Variants in AP1S3 observed in about 807,000 individuals in gnomAD.
AP1S3 encodes adaptor related protein complex 1 subunit sigma 3.
AP1S3 carries 10 observed loss-of-function variants against 20.9 expected under a neutral mutation model. That is an observed-to-expected ratio of 0.48 (90% CI 0.29 to 0.81). The LOEUF (loss-of-function observed/expected upper bound fraction) is 0.81. Ranked by LOEUF, AP1S3 falls within the 30% of genes least tolerant of loss-of-function variation. AP1S3 has a pLI of 0.08. For synonymous variants in AP1S3, 41 were observed against 61.5 expected (o/e 0.67, Z 1.56); for missense variants, 154 against 183.8 (o/e 0.84, Z 0.94).
chr2:223,823,461 T>A (rs1692041955), intron 1 of AP1S3, among the ~76,000 whole-genome samples: 1 of 152,158 alleles, frequency 6.6e-6, no homozygotes. Flanking sequence ...CTGAAAGACA[T>A]TATATTAAGT....
chr2:223,830,927 T>C (rs149139174), intron 1 of AP1S3, among the ~76,000 whole-genome samples: 1 of 152,240 alleles, frequency 6.6e-6, no homozygotes, highest in South Asian at 2.1e-4. Flanking sequence ...TGATTGTCGA[T>C]AACATTCTAT....
intron 1 of AP1S3, among the ~76,000 whole-genome samples, chr2:223,831,430 G>A (rs772938481): frequency 5.9e-5 from 9 of 152,136 alleles, no homozygotes; most frequent in East Asian, 1.9e-4. Context: ...CACCGTGCCC[G>A]GTCAAGAAAT....
intron 1 of AP1S3, among the ~76,000 whole-genome samples, chr2:223,790,526 G>A (rs539132295): frequency 1.2e-4 from 18 of 152,124 alleles, no homozygotes; most frequent in South Asian, 4.2e-4. Context: ...GAGCCACTGC[G>A]CCCAGTAATC....
intron 1 of AP1S3, among the ~76,000 whole-genome samples, chr2:223,808,697 T>C (rs1352853274): frequency 6.6e-6 from 1 of 152,234 alleles, no homozygotes; most frequent in Non-Finnish European, 1.5e-5. Context: ...CTCAATACTT[T>C]GTTTTTCAAT....
At chr2:223,781,500 C>G (rs1302418074) in intron 1 of AP1S3, among the ~76,000 whole-genome samples, 1 of 151,914 alleles carries the variant, frequency 6.6e-6, no homozygotes, top group Non-Finnish European at 1.5e-5. Context: ...CTTTGGAAGG[C>G]TGAGGAAGGA....
At chr2:223,772,960 T>G (rs1396375843) in intron 3 of AP1S3, among the ~76,000 whole-genome samples, 1 of 152,238 alleles carries the variant, frequency 6.6e-6, no homozygotes, top group African/African-American at 2.4e-5. Flanking sequence ...TTAGCTGCTC[T>G]TAGCTTAATG....
intron 1 of AP1S3, among the ~76,000 whole-genome samples, chr2:223,828,091 A>G (rs868766701): frequency 6.8e-4 from 88 of 130,102 alleles, no homozygotes; most frequent in African/African-American, 2.2e-3. Flanking sequence ...AAAAAAAAAA[A>G]AAGAAGAAGA....
At chr2:223,836,506 G>A in intron 1 of AP1S3, among the ~76,000 whole-genome samples, 1 of 152,200 alleles carries the variant, frequency 6.6e-6, no homozygotes, top group East Asian at 1.9e-4. Context: ...TTGGGAGGCC[G>A]AGGCAGGCGG....
intron 3 of AP1S3, among the ~76,000 whole-genome samples, chr2:223,768,172 T>A (rs7579126): frequency 0.26 from 39,301 of 152,104 alleles, 8,322 homozygotes; most frequent in East Asian, 0.58. Flanking sequence ...CATCCATGCA[T>A]CTGACACACA....
intron 1 of AP1S3, among the ~76,000 whole-genome samples, chr2:223,800,236 AAATC>A (rs1222675882): frequency 1.2e-4 from 18 of 151,922 alleles, no homozygotes; most frequent in Admixed American, 1.2e-3. Flanking sequence ...AAAAGAAAAA[AAATC>A]AATCAATGTA....
intron 2 of AP1S3, 124 bp downstream of exon 2, chr2:223,777,567 A>G: frequency 1.2e-6 from 1 of 835,842 alleles, no homozygotes; most frequent in Non-Finnish European, 1.8e-6. Context: ...TGGTACAAAT[A>G]TCTGGGCCCC....
chr2:223,830,593 G>A (rs528589645), intron 1 of AP1S3, among the ~76,000 whole-genome samples: 4 of 152,198 alleles, frequency 2.6e-5, no homozygotes, highest in African/African-American at 9.6e-5. Flanking sequence ...GGGCACCCCA[G>A]TTTGCAAACC....
At chr2:223,810,332 A>C (rs1415530213) in intron 1 of AP1S3, among the ~76,000 whole-genome samples, 1 of 151,910 alleles carries the variant, frequency 6.6e-6, no homozygotes, top group Non-Finnish European at 1.5e-5. Flanking sequence ...TCTTTTTTTG[A>C]GACAGGGTCT....
chr2:223,796,065 C>T (rs943325814), intron 1 of AP1S3, among the ~76,000 whole-genome samples: 8 of 151,988 alleles, frequency 5.3e-5, no homozygotes, highest in East Asian at 1.9e-4. Context: ...CCCAGCTACT[C>T]GGGAGGCTGA....
rs771489288 is a variant in AP1S3, at chr2:223,756,110, G to A, written c.*2605C>T. The A allele has an allele frequency of 1.6e-5, 15 of 923,888 alleles. No individual in the cohort carries two copies. The East Asian group carries it at 4.7e-4, about 29-fold the overall frequency. 57.2% of individuals were successfully genotyped at this position (923,888 alleles called of 1,614,324 possible). A position where few individuals can be genotyped will look rare whatever the true frequency, so the allele number is the denominator to read the frequency against. ...TTCCAGCACTTTGGAAGGCCAAGGCGGGCGGATCACCTGAGGTCGGCGTTC... is the reference window on the plus strand; with the variant it reads ...TTCCAGCACTTTGGAAGGCCAAGGCAGGCGGATCACCTGAGGTCGGCGTTC... On this transcript the variant is annotated 3_prime_UTR_variant, in exon 5 of 5. Coordinates refer to ENST00000396654, the MANE Select transcript of AP1S3 (RefSeq NM_001039569.2).
intron 1 of AP1S3, among the ~76,000 whole-genome samples, chr2:223,822,640 C>T (rs558723494): frequency 5.9e-5 from 9 of 151,944 alleles, no homozygotes; most frequent in South Asian, 4.2e-4. Context: ...GCCGAGATCG[C>T]GCCATTGCAC....
chr2:223,756,465 G>GAAAAGAAAGAAAA lies in AP1S3; in HGVS notation c.*2249_*2250insTTTTCTTTCTTTT, dbSNP rs1380083118. 2 of 910,912 alleles carry GAAAAGAAAGAAAA rather than the reference G, an allele frequency of 2.2e-6. No homozygotes were observed. Among genetic ancestry groups the GAAAAGAAAGAAAA allele is most frequent in the African/African-American group, 1.8e-5 (1 of 54,476 alleles). The allele number at this position is 910,912 out of a possible 1,614,324, so 56.4% of individuals were successfully genotyped here. A position where few individuals can be genotyped will look rare whatever the true frequency, so the allele number is the denominator to read the frequency against. On this transcript the variant is annotated 3_prime_UTR_variant, in exon 5 of 5. Coordinates refer to ENST00000396654, the MANE Select transcript of AP1S3 (RefSeq NM_001039569.2). ...AAAGGAAGGAAAAGAAAGAAAGAAA[G>GAAAAGAAAGAAAA]AAAAGAAAGAAAGAAAGAAAAAAAG...
At chr2:223,824,506 A>G (rs4674821) in intron 1 of AP1S3, among the ~76,000 whole-genome samples, 74,472 of 151,732 alleles carry the variant, frequency 0.49, 18,334 homozygotes, top group Middle Eastern at 0.57. Flanking sequence ...GATAAGCCAC[A>G]AGCTACTTTT....
At chr2:223,833,738 G>T (rs945499613) in intron 1 of AP1S3, among the ~76,000 whole-genome samples, 1 of 152,186 alleles carries the variant, frequency 6.6e-6, no homozygotes, top group Non-Finnish European at 1.5e-5. Context: ...CTTACAACTT[G>T]AAGGTAATAA....
Sources: allele counts gnomAD v4.1 joint callset (sites outside exome capture counted in the v4.1 genomes callset), GRCh38; gene constraint gnomAD v4.1.1; transcripts MANE v1.5; gene names NCBI Gene and HGNC (gene_info 2026-07-23, HGNC 2026-07-21).